The following CCSER1 variants were observed in gnomAD, a reference collection of about 807,000 sequenced individuals.
The protein encoded by CCSER1 is coiled-coil serine rich protein 1, also known as serine-rich coiled-coil domain-containing protein 1.
In CCSER1, 41 loss-of-function variants were observed where a neutral mutation model predicts 82.0. That is an observed-to-expected ratio of 0.50 (90% CI 0.39 to 0.65). CCSER1 has a LOEUF of 0.65. Ranked by LOEUF, CCSER1 falls within the 30% of genes least tolerant of loss-of-function variation. The probability of loss-of-function intolerance (pLI) is 0.00; values close to 1 mark genes in which losing one functional copy is unlikely to be tolerated. For missense variants in CCSER1, 1,119 were observed against 1,064.2 expected (o/e 1.05, Z -0.72); for synonymous variants, 414 against 383.9 (o/e 1.08, Z -0.92).
intron 10 of CCSER1, among the ~76,000 whole-genome samples, chr4:91,277,808 A>G (rs1298830567): frequency 1.3e-5 from 2 of 151,274 alleles, no homozygotes; most frequent in Non-Finnish European, 3.0e-5. Context: ...TTTTTGATCT[A>G]GGGTTTTGTT....
intron 10 of CCSER1, among the ~76,000 whole-genome samples, chr4:91,591,626 A>C (rs2110341276): frequency 6.6e-6 from 1 of 152,244 alleles, no homozygotes; most frequent in East Asian, 1.9e-4. Flanking sequence ...TATTTTTATA[A>C]ATTAGATAAT....
chr4:91,582,014 T>C (rs1763751140), intron 10 of CCSER1, among the ~76,000 whole-genome samples: 1 of 151,734 alleles, frequency 6.6e-6, no homozygotes, highest in Non-Finnish European at 1.5e-5. Flanking sequence ...AATAAATGTT[T>C]ATGTATATGC....
At chr4:90,348,720 G>GA (rs1742877135) in intron 3 of CCSER1, among the ~76,000 whole-genome samples, 4 of 152,066 alleles carry the variant, frequency 2.6e-5, no homozygotes, top group South Asian at 4.1e-4. Context: ...TTAAAAAAAA[G>GA]AAAAAACGTA....
intron 7 of CCSER1, among the ~76,000 whole-genome samples, chr4:90,806,491 G>T (rs1167512602): frequency 6.6e-6 from 1 of 152,068 alleles, no homozygotes; most frequent in Non-Finnish European, 1.5e-5. Flanking sequence ...GTTGTTAATT[G>T]TTCAACAAAA....
chr4:90,647,398 CT>C (rs1467748269), intron 6 of CCSER1, among the ~76,000 whole-genome samples: 1 of 152,098 alleles, frequency 6.6e-6, no homozygotes, highest in African/African-American at 2.4e-5. Flanking sequence ...TTTTACAGGG[CT>C]TTCTAGATTT....
intron 10 of CCSER1, among the ~76,000 whole-genome samples, chr4:91,097,522 C>T (rs985243329): frequency 6.6e-6 from 1 of 152,132 alleles, no homozygotes; most frequent in Admixed American, 6.5e-5. Context: ...TATTGGTACA[C>T]TTGAATATTT....
At chr4:90,577,509 T>A (rs1347162260) in intron 5 of CCSER1, among the ~76,000 whole-genome samples, 2 of 152,148 alleles carry the variant, frequency 1.3e-5, no homozygotes, top group African/African-American at 4.8e-5. Flanking sequence ...CTCCCTAATT[T>A]TGTATGTCTA....
rs138124897 is a variant in CCSER1 at position 90,888,405 on chromosome 4, G to A, written c.2095-34965G>A. Among the ~76,000 whole-genome samples the A allele has an allele frequency of 9.4e-3, 1,430 of 152,240 alleles. 27 individuals are homozygous for A. Among genetic ancestry groups the A allele is most frequent in the African/African-American group, 0.033 (1,363 of 41,556 alleles). On this transcript the variant is annotated intron_variant, in intron 8 of 10. Transcript: ENST00000509176. ...TACTTTGAAAGGGCAAGAGTAGAAA[G>A]AGTAGTGAACAAGAAGGCAATAAAA...
chr4:90,895,748 A>G (rs2150129167), intron 8 of CCSER1, among the ~76,000 whole-genome samples: 1 of 151,984 alleles, frequency 6.6e-6, no homozygotes, highest in East Asian at 1.9e-4. Context: ...AGAAAGTTGT[A>G]TATATTATAT....
At chr4:90,372,639 A>G (rs1409878141) in intron 3 of CCSER1, among the ~76,000 whole-genome samples, 5 of 152,160 alleles carry the variant, frequency 3.3e-5, no homozygotes, top group African/African-American at 1.2e-4. Context: ...AATCCTAGCT[A>G]CTCAGGAGGC....
intron 10 of CCSER1, among the ~76,000 whole-genome samples, chr4:91,526,505 A>G (rs1011963211): frequency 6.6e-6 from 1 of 152,204 alleles, no homozygotes; most frequent in Non-Finnish European, 1.5e-5. Context: ...CTGGCTCAGA[A>G]TAAATATTTG....
intron 10 of CCSER1, among the ~76,000 whole-genome samples, chr4:91,145,317 T>G (rs1437727809): frequency 6.6e-6 from 1 of 152,172 alleles, no homozygotes; most frequent in Non-Finnish European, 1.5e-5. Context: ...TAATAGTTCT[T>G]CTCTGTCCCT....
At chr4:90,236,974 AAAAC>A (rs1745920321) in intron 1 of CCSER1, among the ~76,000 whole-genome samples, 1 of 152,196 alleles carries the variant, frequency 6.6e-6, no homozygotes, top group Non-Finnish European at 1.5e-5. Context: ...TGATTCATAA[AAAAC>A]AAACCAGTGA....
intron 5 of CCSER1, among the ~76,000 whole-genome samples, chr4:90,512,443 T>C (rs1771663737): frequency 4.6e-5 from 7 of 152,132 alleles, no homozygotes; most frequent in Admixed American, 3.9e-4. Context: ...GGTATTACAT[T>C]TGATGATTTA....
intron 5 of CCSER1, among the ~76,000 whole-genome samples, chr4:90,604,336 G>A (rs1385314698): frequency 6.6e-6 from 1 of 152,058 alleles, no homozygotes. Flanking sequence ...GTGTACCGGA[G>A]AGAATACAGA....
chr4:91,565,523 A>C (rs535885493), intron 10 of CCSER1, among the ~76,000 whole-genome samples: 1 of 152,178 alleles, frequency 6.6e-6, no homozygotes, highest in African/African-American at 2.4e-5. Context: ...GATTCTTCCT[A>C]TTTATGACCA....
At chr4:91,319,679 C>T (rs1487379223) in intron 10 of CCSER1, 1 of 455,858 alleles carries the variant, frequency 2.2e-6, no homozygotes. Flanking sequence ...TCTCCCTTCT[C>T]CACTTAGTCT....
intron 8 of CCSER1, among the ~76,000 whole-genome samples, chr4:90,821,392 G>T (rs1759701663): frequency 6.6e-6 from 1 of 152,126 alleles, no homozygotes; most frequent in South Asian, 2.1e-4. Context: ...TTAGCTAATT[G>T]AGGGCATGGA....
chr4:90,455,118 G>A (rs1373710768), intron 4 of CCSER1, among the ~76,000 whole-genome samples: 1 of 152,200 alleles, frequency 6.6e-6, no homozygotes, highest in Non-Finnish European at 1.5e-5. Flanking sequence ...TGTTGGCAAA[G>A]GTCCGAACTT....
Sources: allele counts gnomAD v4.1 joint callset (sites outside exome capture counted in the v4.1 genomes callset), GRCh38; gene constraint gnomAD v4.1.1; transcripts MANE v1.5; gene names NCBI Gene and HGNC (gene_info 2026-07-23, HGNC 2026-07-21).